PCLAF: variants seen among roughly 807,000 people sequenced by gnomAD.
PCLAF encodes PCNA-associated factor.
Under a neutral mutation model 15.1 loss-of-function variants are expected in PCLAF, and 12 were observed. The ratio of observed to expected loss-of-function variants is 0.79; its 90% confidence interval spans 0.51 to 1.29. The LOEUF (loss-of-function observed/expected upper bound fraction) is 1.29. Ranked by LOEUF, PCLAF falls within the 50% of genes most tolerant of loss-of-function variation. PCLAF has a pLI of 0.00. For missense variants in PCLAF, 116 were observed against 130.9 expected, an observed-to-expected ratio of 0.89 and a Z score of 0.56; for synonymous variants, 33 against 47.1, an observed-to-expected ratio of 0.70 and a Z score of 1.22.
chr15:64,373,603 C>T, intron 3 of PCLAF: 1 of 1,468,290 alleles, frequency 6.8e-7, no homozygotes, highest in Non-Finnish European at 9.0e-7. Context: ...TAGCTTCCGG[C>T]ATACTGGTTA....
At chr15:64,383,527 C>A (rs370361531), upstream of PCLAF, among the ~76,000 whole-genome samples, 1 of 151,960 alleles carries the variant, frequency 6.6e-6, no homozygotes, top group Non-Finnish European at 1.5e-5. Flanking sequence ...CCAAAACACT[C>A]GGCTAATTTT....
chr15:64,380,937 C>G (rs1002418839), intron 2 of PCLAF, 21 bp downstream of exon 2: 16 of 1,610,990 alleles, frequency 9.9e-6, no homozygotes, highest in Admixed American at 1.7e-5. Flanking sequence ...GATCCCCTAA[C>G]TTTAGGAGGG....
upstream of PCLAF, among the ~76,000 whole-genome samples, chr15:64,383,428 G>A (rs557994499): frequency 2.0e-5 from 3 of 151,364 alleles, no homozygotes; most frequent in South Asian, 2.1e-4. Context: ...ATGCAGTGGC[G>A]TGTTCTCGGC....
intron 2 of PCLAF, among the ~76,000 whole-genome samples, chr15:64,378,208 G>A (rs1043887398): frequency 6.6e-6 from 1 of 152,060 alleles, no homozygotes; most frequent in African/African-American, 2.4e-5. Context: ...TTACAAGTGT[G>A]AGCCACCCTG....
At chr15:64,377,851 A>G (rs1486266925) in intron 2 of PCLAF, among the ~76,000 whole-genome samples, 1 of 146,196 alleles carries the variant, frequency 6.8e-6, no homozygotes, top group Non-Finnish European at 1.5e-5. Flanking sequence ...TCCCGGATTC[A>G]AGTGATTCTC....
intron 3 of PCLAF, among the ~76,000 whole-genome samples, chr15:64,372,166 C>T (rs187457214): frequency 2.0e-4 from 30 of 152,276 alleles, no homozygotes; most frequent in Non-Finnish European, 3.4e-4. Context: ...AGTTAAGTAT[C>T]GTAACTAAAT....
chr15:64,369,544 T>C (rs1332296550), intron 3 of PCLAF, among the ~76,000 whole-genome samples: 2 of 152,060 alleles, frequency 1.3e-5, no homozygotes, highest in Non-Finnish European at 2.9e-5. Flanking sequence ...AATGAGCTTA[T>C]GAACAGCACT....
At position 64,381,029 on chromosome 15, in the gene PCLAF, GCAGCCA is replaced by G; in HGVS notation, c.50_55del (p.Val17_Ala18del). 6.2e-7 allele frequency: 1 copy of G among 1,614,000 alleles called. No individual in the cohort carries two copies. On this transcript the variant is annotated inframe_deletion, in exon 2 of 4. Transcript: ENST00000300035. The stretch of plus-strand genomic sequence containing the variant: ...ACCAAGCACCTTTCTGGGGGCTCGA[GCAGCCA>G]CCACTGTGAAGAGAGGCAAAAAAGG...
At position 64,365,732 on chromosome 15, in the gene PCLAF, A is replaced by G; in HGVS notation, c.*298T>C. 1 of 325,892 alleles carries G rather than the reference A, an allele frequency of 3.1e-6. No individual in the cohort carries two copies. Among genetic ancestry groups the G allele is most frequent in the South Asian group, 3.9e-5 (1 of 25,448 alleles). 20.2% of individuals were successfully genotyped at this position (325,892 alleles called of 1,614,324 possible). A position where few individuals can be genotyped will look rare whatever the true frequency, so the allele number is the denominator to read the frequency against. ...ACAACAATCTAAGCAAATCTCAAAT[A>G]CAACATACTTGTAATTAGAACACAA... is the stretch of plus-strand genomic sequence containing the variant. On this transcript the variant is annotated 3_prime_UTR_variant, in exon 4 of 4. Transcript: ENST00000300035.
intron 3 of PCLAF, among the ~76,000 whole-genome samples, chr15:64,372,127 A>G (rs945474474): frequency 6.6e-6 from 1 of 152,208 alleles, no homozygotes; most frequent in Admixed American, 6.5e-5. Flanking sequence ...AATTACTTGA[A>G]GTCAATGCAC....
rs1332091947 is a variant in PCLAF, at chr15:64,379,077, T to A, written c.127+1881A>T. The stretch of plus-strand genomic sequence containing the variant: ...TATTCGGATTAAAAATAGAGATTTT[T>A]AAAATGCCTTAAAGGATGCATTTAT... On this transcript the variant is annotated intron_variant, in intron 2 of 3. Transcript: ENST00000300035. 2.0e-5 allele frequency among the ~76,000 whole-genome samples: 3 copies of A among 152,292 alleles called. No homozygotes were observed. The East Asian group carries it at 5.8e-4, about 29-fold the overall frequency.
At chr15:64,373,228 G>A (rs1197713540) in intron 3 of PCLAF, 1 of 152,682 alleles carries the variant, frequency 6.5e-6, no homozygotes, top group African/African-American at 2.4e-5. Flanking sequence ...AGCTTGCTAA[G>A]TAATTTTTGA....
exon 1 of PCLAF, chr15:64,387,630 T>C: frequency 7.1e-7 from 1 of 1,400,234 alleles, no homozygotes; most frequent in Non-Finnish European, 9.3e-7. Flanking sequence ...GTTTAGCGAT[T>C]GGCAAGAATC....
intron 3 of PCLAF, among the ~76,000 whole-genome samples, chr15:64,366,503 A>T (rs1417242818): frequency 6.6e-6 from 1 of 152,204 alleles, no homozygotes; most frequent in Non-Finnish European, 1.5e-5. Context: ...TTGACTATAT[A>T]TACTCTTTTG....
upstream of PCLAF, among the ~76,000 whole-genome samples, chr15:64,385,210 C>T (rs1899910604): frequency 2.0e-5 from 3 of 151,966 alleles, no homozygotes; most frequent in East Asian, 1.9e-4. Context: ...TTCTGGAGGA[C>T]GTACTTATCA....
At chr15:64,371,918 ACCTCCT>A (rs1899333010) in intron 3 of PCLAF, among the ~76,000 whole-genome samples, 2 of 15,760 alleles carry the variant, frequency 1.3e-4, no homozygotes, top group Non-Finnish European at 2.7e-4. Flanking sequence ...TTTTTAACCC[ACCTCCT>A]GCACAAAAAA....
At chr15:64,370,841 T>G (rs966343253) in intron 3 of PCLAF, among the ~76,000 whole-genome samples, 7 of 148,132 alleles carry the variant, frequency 4.7e-5, no homozygotes, top group Non-Finnish European at 8.9e-5. Context: ...TTTTTTTTTT[T>G]TTTTTTTTTT....
intron 2 of PCLAF, 54 bp from the exon 3 acceptor site, chr15:64,376,959 TC>T: frequency 1.4e-6 from 2 of 1,399,378 alleles, no homozygotes; most frequent in Non-Finnish European, 2.0e-6. Context: ...CAATCTCTAT[TC>T]CTTAAACAAC....
chr15:64,367,062 T>A (rs1217914223), intron 3 of PCLAF, among the ~76,000 whole-genome samples: 3 of 151,732 alleles, frequency 2.0e-5, no homozygotes, highest in Non-Finnish European at 4.4e-5. Context: ...AAGGTTGCAG[T>A]CAGCCATGAT....
Sources: gnomAD v4.1 joint callset for allele counts (sites outside exome capture counted in the v4.1 genomes callset) on GRCh38, gnomAD v4.1.1 for gene constraint, MANE v1.5 for transcripts, NCBI Gene and HGNC (gene_info 2026-07-23, HGNC 2026-07-21) for gene names.